Variants in D2HGDH observed in about 807,000 individuals in gnomAD.
D2HGDH encodes D-2-hydroxyglutarate dehydrogenase.
D2HGDH carries 31 observed loss-of-function variants against 46.9 expected under a neutral mutation model. The observed-to-expected ratio is 0.66, with a 90% CI of 0.50 to 0.89. D2HGDH has a LOEUF of 0.89. D2HGDH is among the 40% of genes least tolerant of loss of function. The pLI, the probability that D2HGDH is intolerant of heterozygous loss-of-function variation, is 0.00. For synonymous variants in D2HGDH, 364 were observed against 332.6 expected (o/e 1.09, Z -1.03); for missense variants, 698 against 720.8 (o/e 0.97, Z 0.36).
rs1441481791 is a variant in D2HGDH at position 241,751,219 on chromosome 2, C to T, written c.998-27C>T. The T allele has an allele frequency of 2.5e-6, 4 of 1,613,622 alleles. No homozygotes were observed. The Admixed American group carries it at 5.0e-5, about 20-fold the overall frequency. On this transcript the variant is annotated intron_variant, in intron 7 of 9. Coordinates refer to ENST00000321264, the MANE Select transcript of D2HGDH (RefSeq NM_152783.5). ...TGCCCTGGCAGCCGGAGCCTCTGCT[C>T]ACTCTGCCTTCCTTGCTCACTTCTA...
intron 2 of D2HGDH, among the ~76,000 whole-genome samples, chr2:241,738,747 TG>T (rs1693618004): frequency 6.6e-6 from 1 of 152,186 alleles, no homozygotes; most frequent in South Asian, 2.1e-4. Flanking sequence ...TGTGTGCCTG[TG>T]GGAGGGCGCC....
intron 2 of D2HGDH, 48 bp downstream of exon 2, chr2:241,735,564 T>C: frequency 6.3e-7 from 1 of 1,594,838 alleles, no homozygotes; most frequent in East Asian, 2.2e-5. Flanking sequence ...CCTGCTCCGC[T>C]GCGCCTTCCC....
intron 6 of D2HGDH, among the ~76,000 whole-genome samples, chr2:241,745,689 T>A (rs1695677243): frequency 6.6e-6 from 1 of 152,190 alleles, no homozygotes; most frequent in Non-Finnish European, 1.5e-5. Flanking sequence ...TTGTGTCCGA[T>A]CTTCTGTCTG....
chr2:241,735,511 T>G lies in D2HGDH; in HGVS notation c.287T>G (p.Leu96Arg), dbSNP rs754637748. 6.2e-7 allele frequency: 1 copy of G among 1,605,922 alleles called. No individual in the cohort carries two copies. The highest frequency in any genetic ancestry group is 8.5e-7 in the Non-Finnish European group (1 of 1,179,752). Residue 96 changes from leucine to arginine, a missense_variant, in exon 2 of 10, where the codon CTG becomes CGG. Transcript: ENST00000321264. ...CCCAACGTGGACTGGTTGCGGACGC[T>G]GCGAGGTGGGTGAGGCTTGGGAAGC... ...QAPNVDWLRT[L>R]RGCSKVLLRP...
chr2:241,742,311 G>A lies in D2HGDH; in HGVS notation c.351-124G>A. On this transcript the variant is annotated intron_variant, in intron 3 of 9. Coordinates refer to ENST00000321264, the MANE Select transcript of D2HGDH (RefSeq NM_152783.5). The surrounding 1 kb of genome is among the most constrained non-coding windows in gnomAD (Gnocchi z 4.8). Reference sequence around the variant, plus strand: ...CGTGGGCTGGGGAGGAGCCCCCGCTGAGGCTGCAGGCAGGGCAGGGTAATC... The same window carrying A: ...CGTGGGCTGGGGAGGAGCCCCCGCTAAGGCTGCAGGCAGGGCAGGGTAATC... 1 of 1,326,322 alleles carries A rather than the reference G, an allele frequency of 7.5e-7. No homozygotes were observed. The highest frequency in any genetic ancestry group is 1.0e-6 in the Non-Finnish European group (1 of 972,760). The allele number at this position is 1,326,322 out of a possible 1,614,324, so 82.2% of individuals were successfully genotyped here. A position where few individuals can be genotyped will look rare whatever the true frequency, so the allele number is the denominator to read the frequency against.
At chr2:241,741,005 G>A (rs1314076277) in intron 2 of D2HGDH, 28 bp from the exon 3 acceptor site, 1 of 1,607,014 alleles carries the variant, frequency 6.2e-7, no homozygotes, top group Admixed American at 1.7e-5. Flanking sequence ...CCCCCACGCT[G>A]TCTCATAGGA....
chr2:241,735,444 G>A lies in D2HGDH; in HGVS notation c.220G>A (p.Val74Met). The change falls in exon 2 of 10, where the codon GTG becomes ATG. Residue 74 changes from valine (V) to methionine (M), a missense_variant. Coordinates refer to ENST00000321264, the MANE Select transcript of D2HGDH (RefSeq NM_152783.5). ...KQDLAAFERI[V>M]PGGVVTDPEA... ...GGACCTGGCCGCCTTTGAGCGCATC[G>A]TGCCCGGCGGGGTCGTCACGGACCC... 1 of 1,609,722 alleles carries A rather than the reference G, an allele frequency of 6.2e-7. No homozygotes were observed. Among genetic ancestry groups the A allele is most frequent in the Non-Finnish European group, 8.5e-7 (1 of 1,179,594 alleles).
chr2:241,757,741 T>C (rs573098505), intron 9 of D2HGDH, among the ~76,000 whole-genome samples: 2 of 152,258 alleles, frequency 1.3e-5, no homozygotes, highest in African/African-American at 4.8e-5. Flanking sequence ...GTGGATCACC[T>C]GAGGTCAGGA....
chr2:241,762,483 C>T (rs1287838128), intron 9 of D2HGDH, among the ~76,000 whole-genome samples: 1 of 152,160 alleles, frequency 6.6e-6, no homozygotes, highest in Non-Finnish European at 1.5e-5. Context: ...TGCCTGTTGG[C>T]CGGGTGAGTG....
Position 241,767,802 on chromosome 2 carries a change from G to A in D2HGDH, c.1399G>A (p.Gly467Arg), listed in dbSNP as rs1188254492. 1.4e-5 allele frequency: 22 copies of A among 1,612,164 alleles called. No individual in the cohort carries two copies. Among genetic ancestry groups the A allele is most frequent in the African/African-American group, 4.0e-5 (3 of 74,974 alleles). ...LEPHVYEWTA[G>R]QQGSVSAEHG... ...GCCCCACGTGTACGAGTGGACGGCC[G>A]GGCAGCAGGGCAGCGTCAGCGCGGA... The change falls in exon 10 of 10, where the codon GGG (glycine) becomes AGG (arginine). Residue 467 changes from glycine (G) to arginine (R), a missense_variant. By Grantham distance (125) the Gly-to-Arg change is moderately radical. Coordinates refer to ENST00000321264, the MANE Select transcript of D2HGDH (RefSeq NM_152783.5).
rs755880540 is a variant in D2HGDH at position 241,742,123 on chromosome 2, C to G, written c.351-312C>G. On this transcript the variant is annotated intron_variant, in intron 3 of 9. Transcript: ENST00000321264. This position sits in a 1 kb window ranked among gnomAD's most constrained non-coding sequence, Gnocchi z 4.8. Reference sequence around the variant, plus strand: ...CGGTCGAGGAACCCTGAGCTGGACCCTCTGTGAGCATGGTGTGAACGGGAA... The same window carrying G: ...CGGTCGAGGAACCCTGAGCTGGACCGTCTGTGAGCATGGTGTGAACGGGAA... 1.3e-5 allele frequency among the ~76,000 whole-genome samples: 2 copies of G among 152,100 alleles called. No homozygotes were observed. The highest frequency in any genetic ancestry group is 1.5e-5 in the Non-Finnish European group (1 of 68,014).
In D2HGDH at chr2:241,767,646, G is replaced by A; in HGVS notation, c.1307-64G>A. The A allele has an allele frequency of 2.5e-6, 4 of 1,607,966 alleles. No homozygotes were observed. In the South Asian group the frequency reaches 4.4e-5, roughly 18 times the overall value. ...GAGGGGATCTTGGGAGGGGCTGTTG[G>A]GGGAGGAGTGGGGTCCTGGGGGCTG... On this transcript the variant is annotated intron_variant, in intron 9 of 9. Transcript: ENST00000321264.
intron 9 of D2HGDH, among the ~76,000 whole-genome samples, chr2:241,762,327 C>T (rs559994998): frequency 8.5e-5 from 13 of 152,312 alleles, no homozygotes; most frequent in Admixed American, 7.8e-4. Context: ...GCCTCAGTCT[C>T]CCAAAGTGCT....
chr2:241,765,298 G>T (rs995844920), intron 9 of D2HGDH, among the ~76,000 whole-genome samples: 13 of 145,290 alleles, frequency 8.9e-5, no homozygotes, highest in African/African-American at 2.3e-4. Flanking sequence ...AGGAAGAGGG[G>T]GGAGAACTTG....
rs1692193592 is a variant in D2HGDH at position 241,734,659 on chromosome 2, C to CG, written c.-126dup. On this transcript the variant is annotated 5_prime_UTR_variant, in exon 1 of 10. Coordinates refer to ENST00000321264, the MANE Select transcript of D2HGDH (RefSeq NM_152783.5). ...CGGCTCGGCGGCTCTGGGCCTGCGGCGGGCGCTGCGGGTTGGAGCTCGGGA... is the reference window on the plus strand; with the variant it reads ...CGGCTCGGCGGCTCTGGGCCTGCGGCGGGGCGCTGCGGGTTGGAGCTCGGGA... 1 of 151,414 alleles carries CG rather than the reference C, an allele frequency of 6.6e-6. No homozygotes were observed. Among genetic ancestry groups the CG allele is most frequent in the South Asian group, 2.1e-4 (1 of 4,834 alleles). 9.4% of individuals were successfully genotyped at this position (151,414 alleles called of 1,614,324 possible).
At chr2:241,745,478 G>A (rs553669110) in intron 6 of D2HGDH, among the ~76,000 whole-genome samples, 42 of 152,292 alleles carry the variant, frequency 2.8e-4, no homozygotes, top group South Asian at 4.1e-4. Flanking sequence ...GTCTTCGCGC[G>A]GGAGGTGGCG....
chr2:241,758,047 G>C (rs1698360717), intron 9 of D2HGDH, among the ~76,000 whole-genome samples: 1 of 152,058 alleles, frequency 6.6e-6, no homozygotes, highest in South Asian at 2.1e-4. Context: ...TTGTCTGCCT[G>C]TAATCAGTGT....
Position 241,742,619 on chromosome 2 carries a change from C to T in D2HGDH, c.490+45C>T, listed in dbSNP as rs1278412547. On this transcript the variant is annotated intron_variant, in intron 4 of 9. Transcript: ENST00000321264. The surrounding 1 kb of genome is among the most constrained non-coding windows in gnomAD (Gnocchi z 4.8). ...CGGGGCCCAGGAGTCCCTCCTGGTG[C>T]TGGTGGAGTTCTTCCTTGCCAGCGT... The T allele has an allele frequency of 4.3e-6, 7 of 1,611,876 alleles. No individual in the cohort carries two copies. In the Admixed American group the frequency reaches 5.0e-5, roughly 12 times the overall value.
intron 9 of D2HGDH, among the ~76,000 whole-genome samples, chr2:241,756,530 C>CT (rs1047981697): frequency 2.6e-5 from 4 of 152,026 alleles, no homozygotes; most frequent in African/African-American, 2.4e-5. Context: ...CCTATCAGTT[C>CT]TTTTTTTTGA....
Sources: allele counts gnomAD v4.1 joint callset (sites outside exome capture counted in the v4.1 genomes callset), GRCh38; gene constraint gnomAD v4.1.1; non-coding constraint Gnocchi (gnomAD v3.1); transcripts MANE v1.5; gene names NCBI Gene and HGNC (gene_info 2026-07-23, HGNC 2026-07-21).